Variants in MCM5 observed in about 807,000 individuals in gnomAD.
MCM5 encodes the protein minichromosome maintenance complex component 5, also known as DNA replication licensing factor MCM5.
A neutral mutation model predicts 79.9 loss-of-function variants in MCM5; 46 were observed. The observed-to-expected ratio is 0.58, with a 90% CI of 0.45 to 0.74. MCM5 has a LOEUF of 0.74. Among genes scored for constraint, MCM5 ranks in the 30% least tolerant of loss-of-function variants. The pLI, the probability that MCM5 is intolerant of heterozygous loss-of-function variation, is 0.00. For missense variants in MCM5, 883 were observed against 1,017.0 expected (o/e 0.87, Z 1.79); for synonymous variants, 404 against 390.5 (o/e 1.03, Z -0.41).
intron 5 of MCM5, among the ~76,000 whole-genome samples, chr22:35,407,408 G>A (rs1932250725): frequency 6.6e-6 from 1 of 151,860 alleles, no homozygotes; most frequent in Non-Finnish European, 1.5e-5. Context: ...CCACCCAGCA[G>A]CCAGGTGTCC....
chr22:35,404,554 G>A (rs773230169), intron 4 of MCM5, among the ~76,000 whole-genome samples: 1 of 152,130 alleles, frequency 6.6e-6, no homozygotes, highest in Non-Finnish European at 1.5e-5. Flanking sequence ...CACATACCGG[G>A]CAAGAACGCT....
chr22:35,403,647 A>T, intron 4 of MCM5, 105 bp downstream of exon 4: 2 of 1,378,188 alleles, frequency 1.5e-6, no homozygotes, highest in Non-Finnish European at 2.0e-6. Context: ...ACCTTTCTGA[A>T]CCTGTCTCCT....
downstream of MCM5, among the ~76,000 whole-genome samples, chr22:35,429,889 C>G (rs537870874): frequency 8.5e-5 from 13 of 152,308 alleles, no homozygotes; most frequent in South Asian, 2.3e-3. Flanking sequence ...AGGCCTCATT[C>G]TAGAGCAAGA....
At chr22:35,414,953 G>C (rs1270721018) in intron 9 of MCM5, among the ~76,000 whole-genome samples, 1 of 152,186 alleles carries the variant, frequency 6.6e-6, no homozygotes, top group African/African-American at 2.4e-5. Flanking sequence ...CGAGATGGTG[G>C]TCTTTGGATA....
intron 1 of MCM5, 62 bp downstream of exon 1, chr22:35,400,270 A>G: frequency 1.4e-6 from 1 of 697,618 alleles, no homozygotes; most frequent in Non-Finnish European, 2.5e-6. Flanking sequence ...TTCCGGGTGT[A>G]GTTGGAGTGG....
chr22:35,439,011 CCA>C, the MCM5 span, among the ~76,000 whole-genome samples: 110,927 of 143,596 alleles, frequency 0.77, 44,221 homozygotes, highest in African/African-American at 0.86. Flanking sequence ...ATCCATCCAT[CCA>C]TCCATCCACA....
chr22:35,408,521 C>A lies in MCM5; in HGVS notation c.710C>A (p.Pro237His). Residue 237 changes from proline (P) to histidine (H), a missense_variant, in exon 6 of 17, where the codon CCC (proline) becomes CAC (histidine). Around this residue, in one of 3 missense-constraint regions of MCM5, gnomAD observed 455 missense variants for 517.5 expected, o/e 0.88. Transcript: ENST00000216122. The part of the protein sequence containing the change: ...LKLQELPDAV[P>H]HGEMPRHMQL... Reference sequence around the variant, plus strand: ...CTGCAGGAGCTGCCTGATGCAGTCCCCCACGGGGAGATGCCCAGACACATG... The same window carrying A: ...CTGCAGGAGCTGCCTGATGCAGTCCACCACGGGGAGATGCCCAGACACATG... 1 of 1,614,146 alleles carries A rather than the reference C, an allele frequency of 6.2e-7. No homozygotes were observed.
At chr22:35,414,015 T>C (rs1932465931) in intron 9 of MCM5, 29 bp downstream of exon 9, 2 of 1,510,856 alleles carry the variant, frequency 1.3e-6, no homozygotes, top group South Asian at 1.1e-5. Flanking sequence ...CTTTGCCACC[T>C]TGGCTTGCAG....
At chr22:35,453,433 C>T in the MCM5 span, among the ~76,000 whole-genome samples, 2 of 151,350 alleles carry the variant, frequency 1.3e-5, no homozygotes, top group African/African-American at 4.9e-5. Flanking sequence ...GACACAGAGA[C>T]AGAGACAGGG....
chr22:35,413,751 T>C (rs376444680), intron 8 of MCM5, 124 bp from the exon 9 acceptor site: 27 of 665,008 alleles, frequency 4.1e-5, no homozygotes, highest in African/African-American at 2.8e-4. Flanking sequence ...CACTACCTTC[T>C]TACCAACTCT....
At chr22:35,412,703 G>C (rs903405906) in intron 8 of MCM5, 22 bp downstream of exon 8, 1 of 1,420,026 alleles carries the variant, frequency 7.0e-7, no homozygotes, top group East Asian at 2.6e-5. Flanking sequence ...AGTTCCCTTG[G>C]GTTTGGGGAG....
At chr22:35,442,275 G>T in the MCM5 span, among the ~76,000 whole-genome samples, 13 of 151,700 alleles carry the variant, frequency 8.6e-5, no homozygotes, top group Non-Finnish European at 1.9e-4. Flanking sequence ...TGCGTGGTGG[G>T]TTCCTCCGTC....
At chr22:35,413,847 C>T (rs1932458777) in intron 8 of MCM5, 28 bp from the exon 9 acceptor site, 1 of 1,337,926 alleles carries the variant, frequency 7.5e-7, no homozygotes, top group South Asian at 1.2e-5. Flanking sequence ...TGGATTCTCA[C>T]CTTGTCCATC....
At chr22:35,400,704 C>T (rs939196863) in intron 2 of MCM5, 99 bp downstream of exon 2, 3 of 1,335,988 alleles carry the variant, frequency 2.2e-6, no homozygotes, top group Admixed American at 2.8e-5. Context: ...CACAGATGGG[C>T]CCAGACGGGG....
chr22:35,403,194 G>T lies in MCM5; in HGVS notation c.168-13G>T. The T allele has an allele frequency of 1.2e-6, 2 of 1,613,936 alleles. No homozygotes were observed. The highest frequency in any genetic ancestry group is 1.7e-6 in the Non-Finnish European group (2 of 1,179,912). ...CACCCTTCCTGCCCCACCCTGCTATGTGCCCACTCCAGGGATGAACTCAAG... is the reference window on the plus strand; with the variant it reads ...CACCCTTCCTGCCCCACCCTGCTATTTGCCCACTCCAGGGATGAACTCAAG... On this transcript the variant is annotated splice_polypyrimidine_tract_variant and intron_variant, in intron 2 of 16. Coordinates refer to ENST00000216122, the MANE Select transcript of MCM5 (RefSeq NM_006739.4).
rs756212519 is a variant in MCM5, at chr22:35,419,968, C to G, written c.1788C>G (p.His596Gln). 6.2e-7 allele frequency: 1 copy of G among 1,612,838 alleles called. No homozygotes were observed. The highest frequency in any genetic ancestry group is 8.5e-7 in the Non-Finnish European group (1 of 1,179,488). Residue 596 changes from histidine (H) to glutamine (Q), a missense_variant, in exon 14 of 17, where the codon CAC becomes CAG. Physicochemically the swap from His to Gln is conservative, Grantham distance 24 (BLOSUM62 0). This residue lies in a region of MCM5 where 426 missense variants were observed against 482.3 expected (regional missense o/e 0.88). Transcript: ENST00000216122. ...TCATGCGGAGCGGGGCCCGTCAGCA[C>G]GAGAGGGACAGTGACCGCCGCTCCA... ...YIIMRSGARQ[H>Q]ERDSDRRSSI...
chr22:35,403,159 C>A lies in MCM5; in HGVS notation c.168-48C>A, dbSNP rs756433360. On this transcript the variant is annotated intron_variant, in intron 2 of 16. Transcript: ENST00000216122. ...GCACACCTCAGCCAGTGTTGGTTTCCTCTTCTTTGCACCCTTCCTGCCCCA... is the reference window on the plus strand; with the variant it reads ...GCACACCTCAGCCAGTGTTGGTTTCATCTTCTTTGCACCCTTCCTGCCCCA... 3.1e-6 allele frequency: 5 copies of A among 1,603,102 alleles called. No individual in the cohort carries two copies. In the South Asian group the frequency reaches 5.5e-5, roughly 18 times the overall value.
chr22:35,401,638 C>G, intron 2 of MCM5: 2 of 471,154 alleles, frequency 4.2e-6, no homozygotes, highest in Non-Finnish European at 8.8e-6. Context: ...ATGGGTAAAG[C>G]CATTCCTGCT....
the MCM5 span, among the ~76,000 whole-genome samples, chr22:35,434,457 C>A: frequency 6.6e-6 from 1 of 152,168 alleles, no homozygotes; most frequent in African/African-American, 2.4e-5. Context: ...CCCAGGGGAG[C>A]TCTCTGATTG....
Sources: gnomAD v4.1 joint callset for allele counts (sites outside exome capture counted in the v4.1 genomes callset) on GRCh38, gnomAD v4.1.1 for gene constraint, gnomAD v4.1.1 regional missense constraint, MANE v1.5 for transcripts, NCBI Gene and HGNC (gene_info 2026-07-23, HGNC 2026-07-21) for gene names.